PGBD5: variants seen among roughly 807,000 people sequenced by gnomAD.
PGBD5 encodes piggyBac transposable element-derived protein 5.
A neutral mutation model predicts 47.9 loss-of-function variants in PGBD5; 14 were observed. That is an observed-to-expected ratio of 0.29 (90% CI 0.19 to 0.46). PGBD5 has a LOEUF of 0.46. Ranked by LOEUF, PGBD5 falls within the 20% of genes least tolerant of loss-of-function variation. The pLI is 1.00. For missense variants in PGBD5, 635 were observed against 716.0 expected (o/e 0.89, Z 1.29); for synonymous variants, 316 against 306.3 (o/e 1.03, Z -0.33).
At chr1:230,393,076 GAGGAGGAAGAGGA>G (rs1243041469) in intron 1 of PGBD5, among the ~76,000 whole-genome samples, 3 of 149,382 alleles carry the variant, frequency 2.0e-5, no homozygotes, top group Non-Finnish European at 4.5e-5. Flanking sequence ...GGGGAAGGCG[GAGGAGGAAGAGGA>G]AGGAGGAAAG....
chr1:230,418,421 C>G (rs1380656355), intron 1 of PGBD5, among the ~76,000 whole-genome samples: 1 of 152,118 alleles, frequency 6.6e-6, no homozygotes, highest in African/African-American at 2.4e-5. Context: ...GTGATGAACT[C>G]AGAATAATGG....
chr1:230,357,030 A>C lies in PGBD5; in HGVS notation c.623T>G (p.Phe208Cys). ...SLALVMSQAR[F>C]EKILKYFHVV... is the part of the protein sequence containing the mutation. Reference sequence around the variant, plus strand: ...GTGGAAGTACTTGAGGATCTTCTCGAAGCGGGCCTGGCTCATGACGAGGGC... The same window carrying C: ...GTGGAAGTACTTGAGGATCTTCTCGCAGCGGGCCTGGCTCATGACGAGGGC... The change falls in exon 2 of 7, where the codon TTC becomes TGC. Residue 208 changes from phenylalanine (F) to cysteine (C), a missense_variant. Physicochemically the swap from Phe to Cys is radical, Grantham distance 205 (BLOSUM62 -2). Transcript: ENST00000391860. The surrounding 1 kb of genome is among the most constrained non-coding windows in gnomAD (Gnocchi z 5.7). The C allele has an allele frequency of 6.2e-7, 1 of 1,614,134 alleles. No homozygotes were observed. The highest frequency in any genetic ancestry group is 8.5e-7 in the Non-Finnish European group (1 of 1,180,016).
intron 3 of PGBD5, among the ~76,000 whole-genome samples, chr1:230,348,744 T>A (rs1382057933): frequency 6.6e-6 from 1 of 152,218 alleles, no homozygotes; most frequent in Non-Finnish European, 1.5e-5. Flanking sequence ...TTCCCTGCGC[T>A]GTGCCTGCCA....
In PGBD5 at chr1:230,323,645, GC is replaced by G. The variant is rs1667071824; in HGVS notation, c.1380-26del. 2 of 1,599,420 alleles carry G rather than the reference GC, an allele frequency of 1.3e-6. No individual in the cohort carries two copies. The highest frequency in any genetic ancestry group is 2.2e-5 in the East Asian group (1 of 44,738). On this transcript the variant is annotated intron_variant, in intron 6 of 6. Coordinates refer to ENST00000391860, the MANE Select transcript of PGBD5 (RefSeq NM_001258311.2). The surrounding 1 kb of genome is among the most constrained non-coding windows in gnomAD (Gnocchi z 4.1). ...CCTGAGGACAGAGGGAATAAGAACG[GC>G]TGACCCGATGGTTCATGGCACCCGG...
At chr1:230,405,337 C>T (rs916382348) in intron 1 of PGBD5, among the ~76,000 whole-genome samples, 3 of 152,172 alleles carry the variant, frequency 2.0e-5, no homozygotes, top group African/African-American at 7.2e-5. Flanking sequence ...CCAATCCCTC[C>T]TCATCCTTCT....
At chr1:230,399,182 A>G (rs910790106) in intron 1 of PGBD5, among the ~76,000 whole-genome samples, 1 of 152,034 alleles carries the variant, frequency 6.6e-6, no homozygotes, top group African/African-American at 2.4e-5. Context: ...TAAACAAGTA[A>G]TTTTTTTCAT....
intron 1 of PGBD5, among the ~76,000 whole-genome samples, chr1:230,362,723 A>G (rs1328817871): frequency 1.3e-5 from 2 of 152,170 alleles, no homozygotes; most frequent in Non-Finnish European, 2.9e-5. Context: ...AGCCTCGTAT[A>G]CAGCATGTTT....
chr1:230,363,209 C>T (rs1278162945), intron 1 of PGBD5, among the ~76,000 whole-genome samples: 4 of 152,228 alleles, frequency 2.6e-5, no homozygotes, highest in African/African-American at 9.6e-5. Context: ...CTCCTGCTCT[C>T]TGCCTTCATT....
At chr1:230,385,576 G>C (rs1571851881) in intron 1 of PGBD5, among the ~76,000 whole-genome samples, 1 of 152,230 alleles carries the variant, frequency 6.6e-6, no homozygotes, top group African/African-American at 2.4e-5. Context: ...GCACACAAAG[G>C]TGACTCACTT....
chr1:230,401,174 G>T lies in PGBD5; in HGVS notation c.331+24424C>A, dbSNP rs536567881. ...CCGCATTCACCATTAGGAGAGCTGC[G>T]TGGTGGGAGTTAAGGACGCTGGCCT... is the stretch of plus-strand genomic sequence containing the variant. On this transcript the variant is annotated intron_variant, in intron 1 of 6. Transcript: ENST00000391860. Among the ~76,000 whole-genome samples, 3 of 152,340 alleles carry T rather than the reference G, an allele frequency of 2.0e-5. No individual in the cohort carries two copies. In the East Asian group the frequency reaches 5.8e-4, roughly 29 times the overall value.
chr1:230,400,057 T>C (rs1657096011), intron 1 of PGBD5, among the ~76,000 whole-genome samples: 1 of 152,238 alleles, frequency 6.6e-6, no homozygotes, highest in Non-Finnish European at 1.5e-5. Flanking sequence ...TCATTCAAAA[T>C]GCAAGCCAAG....
intron 1 of PGBD5, among the ~76,000 whole-genome samples, chr1:230,386,313 T>G (rs1656635460): frequency 7.7e-6 from 1 of 129,220 alleles, no homozygotes; most frequent in African/African-American, 2.7e-5. Context: ...AGCAAAACCC[T>G]ATCTTAAAAA....
intron 3 of PGBD5, among the ~76,000 whole-genome samples, chr1:230,342,362 G>T (rs1441015619): frequency 6.6e-6 from 1 of 152,200 alleles, no homozygotes; most frequent in Non-Finnish European, 1.5e-5. Context: ...ATATTTGGGG[G>T]AAGGGTATCA....
chr1:230,385,835 C>G (rs963251190), intron 1 of PGBD5, among the ~76,000 whole-genome samples: 1 of 152,112 alleles, frequency 6.6e-6, no homozygotes, highest in African/African-American at 2.4e-5. Context: ...CCTCTCCATC[C>G]TGGCTACTCT....
At chr1:230,421,671 G>A (rs941421348) in intron 1 of PGBD5, among the ~76,000 whole-genome samples, 14 of 152,214 alleles carry the variant, frequency 9.2e-5, no homozygotes, top group Non-Finnish European at 1.3e-4. Context: ...GCTCTCCCAG[G>A]AAGCTCCCTT....
rs530351026 is a variant in PGBD5 at position 230,320,208 on chromosome 1, G to A, written c.*3217C>T. 9 of 152,084 alleles carry A rather than the reference G, an allele frequency of 5.9e-5. No homozygotes were observed. Among genetic ancestry groups the A allele is most frequent in the African/African-American group, 2.2e-4 (9 of 41,462 alleles). 9.4% of individuals were successfully genotyped at this position (152,084 alleles called of 1,614,324 possible). On this transcript the variant is annotated 3_prime_UTR_variant, in exon 7 of 7. Coordinates refer to ENST00000391860, the MANE Select transcript of PGBD5 (RefSeq NM_001258311.2). ...CAGAGTGTGGGGAAAGACAATGAAAGTCGAATATGGAACCTGATCAAGTAG... is the reference window on the plus strand; with the variant it reads ...CAGAGTGTGGGGAAAGACAATGAAAATCGAATATGGAACCTGATCAAGTAG...
intron 1 of PGBD5, among the ~76,000 whole-genome samples, chr1:230,374,619 T>C (rs533439012): frequency 1.3e-5 from 2 of 152,274 alleles, no homozygotes; most frequent in South Asian, 2.1e-4. Context: ...CTCAATACAA[T>C]TTCTGGAAAT....
chr1:230,350,897 GC>G (rs1667550145), intron 3 of PGBD5, 60 bp downstream of exon 3: 6 of 1,582,968 alleles, frequency 3.8e-6, no homozygotes, highest in Non-Finnish European at 4.3e-6. Context: ...AGCCCAAGTC[GC>G]CCGGATTTTC....
At chr1:230,381,743 G>C (rs1172940230) in intron 1 of PGBD5, among the ~76,000 whole-genome samples, 1 of 152,164 alleles carries the variant, frequency 6.6e-6, no homozygotes, top group African/African-American at 2.4e-5. Context: ...GCCGCCGTCT[G>C]TGTTCTCTTC....
Sources: allele counts gnomAD v4.1 joint callset (sites outside exome capture counted in the v4.1 genomes callset), GRCh38; gene constraint gnomAD v4.1.1; non-coding constraint Gnocchi (gnomAD v3.1); transcripts MANE v1.5; gene names NCBI Gene and HGNC (gene_info 2026-07-23, HGNC 2026-07-21).